The following CCL28 variants were observed in gnomAD, a reference collection of about 807,000 sequenced individuals.
CCL28 encodes the protein C-C motif chemokine 28.
A neutral mutation model predicts 7.1 loss-of-function variants in CCL28; 4 were observed. The observed-to-expected ratio is 0.56, with a 90% CI of 0.28 to 1.29. The LOEUF (loss-of-function observed/expected upper bound fraction) is 1.29, where lower values mean the gene tolerates loss of function less well. Ranked by LOEUF, CCL28 falls within the 50% of genes most tolerant of loss-of-function variation. The probability of loss-of-function intolerance (pLI) is 0.11; values close to 1 mark genes in which losing one functional copy is unlikely to be tolerated. For synonymous variants in CCL28, 55 were observed against 57.8 expected, an observed-to-expected ratio of 0.95 and a Z score of 0.22; for missense variants, 151 against 163.4, an observed-to-expected ratio of 0.92 and a Z score of 0.41.
At chr5:43,361,131 T>G in the CCL28 span, among the ~76,000 whole-genome samples, 3 of 152,186 alleles carry the variant, frequency 2.0e-5, no homozygotes. Context: ...TCCATCCATG[T>G]CCCTGCAAAG....
At chr5:43,376,989 A>G (rs1291191671), downstream of CCL28, 6 of 152,216 alleles carry the variant, frequency 3.9e-5, 1 homozygote, top group East Asian at 3.8e-4. Flanking sequence ...CAGACTCCAC[A>G]TAATTCTGAA....
the CCL28 span, among the ~76,000 whole-genome samples, chr5:43,358,407 G>C: frequency 6.6e-6 from 1 of 152,190 alleles, no homozygotes; most frequent in African/African-American, 2.4e-5. Context: ...TCCTTATAAA[G>C]GTTAAAGCAG....
intron 1 of CCL28, among the ~76,000 whole-genome samples, chr5:43,401,652 A>G (rs1025901223): frequency 6.6e-6 from 1 of 152,220 alleles, no homozygotes; most frequent in Non-Finnish European, 1.5e-5. Context: ...GTGACAAACA[A>G]CACTCAATAA....
At chr5:43,397,623 A>G (rs990760889) in intron 1 of CCL28, among the ~76,000 whole-genome samples, 1 of 152,218 alleles carries the variant, frequency 6.6e-6, no homozygotes, top group African/African-American at 2.4e-5. Context: ...AAAAAAGTCT[A>G]TGATTAGTAA....
At chr5:43,363,844 G>C in the CCL28 span, among the ~76,000 whole-genome samples, 2 of 152,212 alleles carry the variant, frequency 1.3e-5, no homozygotes, top group Admixed American at 1.3e-4. Context: ...AACCCATAAA[G>C]GGGGAGAGGA....
chr5:43,403,263 T>G (rs577897045), intron 1 of CCL28, among the ~76,000 whole-genome samples: 11 of 152,230 alleles, frequency 7.2e-5, no homozygotes, highest in Non-Finnish European at 1.6e-4. Flanking sequence ...CTCCTCCCAG[T>G]AGGGGCCGAC....
In CCL28 at chr5:43,401,611, GA is replaced by G. The variant is rs1442504951; in HGVS notation, c.64+10641del. On this transcript the variant is annotated intron_variant, in intron 1 of 2. Coordinates refer to ENST00000361115, the MANE Select transcript of CCL28 (RefSeq NM_148672.3). ...CTCAGGGTTATTGTGAAGATTGCAT[GA>G]GTTTGTACATTTAAGTGCTTAGAAC... 2.6e-5 allele frequency among the ~76,000 whole-genome samples: 4 copies of G among 152,108 alleles called. No individual in the cohort carries two copies. In the East Asian group the frequency reaches 7.7e-4, roughly 29 times the overall value.
At chr5:43,370,537 T>C in the CCL28 span, among the ~76,000 whole-genome samples, 1 of 152,124 alleles carries the variant, frequency 6.6e-6, no homozygotes, top group South Asian at 2.1e-4. Flanking sequence ...ATAAGACAGC[T>C]GCCAATGTAT....
the CCL28 span, among the ~76,000 whole-genome samples, chr5:43,365,196 G>C: frequency 6.6e-6 from 1 of 151,818 alleles, no homozygotes; most frequent in Non-Finnish European, 1.5e-5. Context: ...GTAGAGATGT[G>C]GTTTCATCAT....
At chr5:43,399,610 T>C (rs1040719170) in intron 1 of CCL28, among the ~76,000 whole-genome samples, 2 of 152,228 alleles carry the variant, frequency 1.3e-5, no homozygotes, top group Non-Finnish European at 2.9e-5. Context: ...GCTTTTAATG[T>C]CCAAAATATT....
At chr5:43,374,820 C>T (rs149349411), downstream of CCL28, among the ~76,000 whole-genome samples, 3 of 150,806 alleles carry the variant, frequency 2.0e-5, no homozygotes, top group South Asian at 2.1e-4. Flanking sequence ...CACAGGGATG[C>T]GTACTAATAC....
intron 2 of CCL28, 30 bp downstream of exon 2, chr5:43,388,320 G>T (rs1423668432): frequency 1.2e-6 from 2 of 1,613,264 alleles, no homozygotes; most frequent in Admixed American, 1.7e-5. Context: ...CACTGTGCAG[G>T]TTTAGACCTC....
At chr5:43,382,421 C>G (rs1208976910) in intron 2 of CCL28, among the ~76,000 whole-genome samples, 1 of 152,196 alleles carries the variant, frequency 6.6e-6, no homozygotes, top group African/African-American at 2.4e-5. Flanking sequence ...AAAACCAATT[C>G]ATCCTCACAG....
At chr5:43,359,494 G>A in the CCL28 span, among the ~76,000 whole-genome samples, 1 of 152,182 alleles carries the variant, frequency 6.6e-6, no homozygotes, top group Non-Finnish European at 1.5e-5. Context: ...GGTCGGGCAG[G>A]TGTTCCTTGC....
intron 1 of CCL28, among the ~76,000 whole-genome samples, chr5:43,398,067 C>A (rs1443481417): frequency 1.3e-5 from 2 of 152,132 alleles, no homozygotes; most frequent in African/African-American, 4.8e-5. Context: ...TTTACTAATT[C>A]AAGTGATTGT....
At chr5:43,372,457 C>T (rs1481107869), downstream of CCL28, among the ~76,000 whole-genome samples, 1 of 152,120 alleles carries the variant, frequency 6.6e-6, no homozygotes, top group Non-Finnish European at 1.5e-5. Context: ...CAACCTCCGC[C>T]TCCCAGGTTC....
chr5:43,357,871 G>C, the CCL28 span, among the ~76,000 whole-genome samples: 1 of 152,130 alleles, frequency 6.6e-6, no homozygotes, highest in South Asian at 2.1e-4. Context: ...CAAACTAACT[G>C]TCAAAAATTT....
chr5:43,401,456 T>C (rs905055853), intron 1 of CCL28, among the ~76,000 whole-genome samples: 1 of 152,226 alleles, frequency 6.6e-6, no homozygotes, highest in Non-Finnish European at 1.5e-5. Context: ...CTTTGTAGCA[T>C]GGTACTTAAG....
At chr5:43,379,133 T>G (rs1740005496), downstream of CCL28, 1 of 152,184 alleles carries the variant, frequency 6.6e-6, no homozygotes, top group African/African-American at 2.4e-5. Flanking sequence ...ATCGATCTAG[T>G]AAGAAGAAAT....
Sources: allele counts gnomAD v4.1 joint callset (sites outside exome capture counted in the v4.1 genomes callset), GRCh38; gene constraint gnomAD v4.1.1; transcripts MANE v1.5; gene names NCBI Gene and HGNC (gene_info 2026-07-23, HGNC 2026-07-21).